HOMEZ: variants seen among roughly 807,000 people sequenced by gnomAD.
HOMEZ encodes homeobox and leucine zipper protein Homez.
In HOMEZ, 20 loss-of-function variants were observed where a neutral mutation model predicts 50.1. The ratio of observed to expected loss-of-function variants is 0.40; its 90% CI spans 0.28 to 0.58. The LOEUF is 0.58. HOMEZ is among the 20% of genes least tolerant of loss of function. The pLI is 0.46. For missense variants in HOMEZ, 579 were observed against 680.5 expected (o/e 0.85, Z 1.66); for synonymous variants, 239 against 254.7 (o/e 0.94, Z 0.59).
chr14:23,281,136 T>C (rs1886546796), intron 1 of HOMEZ, among the ~76,000 whole-genome samples: 1 of 152,138 alleles, frequency 6.6e-6, no homozygotes, highest in Admixed American at 6.6e-5. Flanking sequence ...ATGTAAATGC[T>C]ACACGATGAA....
At position 23,286,074 on chromosome 14, in the gene HOMEZ, T is replaced by A. The variant is rs570927271; in HGVS notation, c.-122A>T. The A allele has an allele frequency of 1.6e-6, 2 of 1,230,366 alleles. No individual in the cohort carries two copies. The highest frequency in any genetic ancestry group is 8.2e-5 in the South Asian group (2 of 24,282). The allele number at this position is 1,230,366 out of a possible 1,614,324, so 76.2% of individuals were successfully genotyped here. A position where few individuals can be genotyped will look rare whatever the true frequency, so the allele number is the denominator to read the frequency against. ...GAAACCGGGACTGCCCCCCCCACCG[T>A]CCCCGGGAGCGCGCCGGTCTACCCA... On this transcript the variant is annotated 5_prime_UTR_variant, in exon 1 of 2. Coordinates refer to ENST00000357460, the MANE Select transcript of HOMEZ (RefSeq NM_020834.3).
In HOMEZ at chr14:23,276,654, G is replaced by A. The variant is rs867868645; in HGVS notation, c.574C>T (p.Pro192Ser). 14 of 1,613,908 alleles carry A rather than the reference G, an allele frequency of 8.7e-6. No individual in the cohort carries two copies. In the Middle Eastern group the frequency reaches 1.5e-3, roughly 171 times the overall value. The change falls in exon 2 of 2, where the codon CCA becomes TCA. Residue 192 changes from proline (P) to serine (S), a missense_variant. Coordinates refer to ENST00000357460, the MANE Select transcript of HOMEZ (RefSeq NM_020834.3). This position sits in a 1 kb window ranked among gnomAD's most constrained non-coding sequence, Gnocchi z 4.1. ...KVEPEEPSQM[P>S]PLPQSHQKLK... ...TTCTGGTGACTCTGTGGCAGTGGTG[G>A]CATCTGAGAGGGCTCCTCAGGCTCT...
chr14:23,285,659 T>C, intron 1 of HOMEZ: 1 of 387,588 alleles, frequency 2.6e-6, no homozygotes, highest in Non-Finnish European at 4.6e-6. Flanking sequence ...ATAAGCCCCA[T>C]GAGGCAGGCG....
chr14:23,279,253 C>A (rs1415040845), intron 1 of HOMEZ, among the ~76,000 whole-genome samples: 1 of 149,982 alleles, frequency 6.7e-6, no homozygotes, highest in South Asian at 2.1e-4. Flanking sequence ...TTTTTTTTTT[C>A]TTCTCAGTAG....
chr14:23,275,497 A>G lies in HOMEZ; in HGVS notation c.*78T>C. On this transcript the variant is annotated 3_prime_UTR_variant, in exon 2 of 2. Coordinates refer to ENST00000357460, the MANE Select transcript of HOMEZ (RefSeq NM_020834.3). ...TTCTCTGCCACAAGGTAATTTTAAA[A>G]ATGTGGTTTCTTTGTTTAAACAGTT... The G allele has an allele frequency of 6.8e-7, 1 of 1,461,466 alleles. No homozygotes were observed. The highest frequency in any genetic ancestry group is 2.7e-5 in the Admixed American group (1 of 36,994). 90.5% of individuals were successfully genotyped at this position (1,461,466 alleles called of 1,614,324 possible).
chr14:23,278,917 C>A (rs1161770697), intron 1 of HOMEZ, among the ~76,000 whole-genome samples: 1 of 152,160 alleles, frequency 6.6e-6, no homozygotes, highest in African/African-American at 2.4e-5. Context: ...CTCAAGTGAT[C>A]CACCGGCCTC....
chr14:23,280,709 A>ATTTTATTTTATTTTTTTT (rs1594964856), intron 1 of HOMEZ, among the ~76,000 whole-genome samples: 1 of 49,800 alleles, frequency 2.0e-5, no homozygotes, highest in African/African-American at 5.6e-5. Context: ...TTATATTTTT[A>ATTTTATTTTATTTTTTTT]TTTTTATTTT....
chr14:23,277,829 G>A (rs1418094879), intron 1 of HOMEZ, among the ~76,000 whole-genome samples: 1 of 151,808 alleles, frequency 6.6e-6, no homozygotes, highest in Non-Finnish European at 1.5e-5. Flanking sequence ...GTGTGTCTGT[G>A]TGTGTGTGCG....
rs1886294185 is a variant in HOMEZ, at chr14:23,274,652, A to G, written c.*923T>C. ...GCCGGGCACGGTGGCTCATGCCTAT[A>G]ATCCCAGCACTTTGGGAGGCCAAGG... On this transcript the variant is annotated 3_prime_UTR_variant, in exon 2 of 2. Coordinates refer to ENST00000357460, the MANE Select transcript of HOMEZ (RefSeq NM_020834.3). 1 of 152,556 alleles carries G rather than the reference A, an allele frequency of 6.6e-6. No homozygotes were observed. The highest frequency in any genetic ancestry group is 1.5e-5 in the Non-Finnish European group (1 of 68,096). 9.5% of individuals were successfully genotyped at this position (152,556 alleles called of 1,614,324 possible).
rs1305845536 is a variant in HOMEZ, at chr14:23,274,886, A to G, written c.*689T>C. ...GCGCCATTGCACTACAGCCTGGGCG[A>G]CAGAGCAAGACTCCACCTCAAAAAA... On this transcript the variant is annotated 3_prime_UTR_variant, in exon 2 of 2. Coordinates refer to ENST00000357460, the MANE Select transcript of HOMEZ (RefSeq NM_020834.3). The G allele has an allele frequency of 1.3e-5, 2 of 151,956 alleles. No homozygotes were observed. Among genetic ancestry groups the G allele is most frequent in the Non-Finnish European group, 2.9e-5 (2 of 68,026 alleles). 9.4% of individuals were successfully genotyped at this position (151,956 alleles called of 1,614,324 possible).
intron 1 of HOMEZ, chr14:23,285,682 A>G (rs1886643550): frequency 5.1e-6 from 2 of 394,348 alleles, no homozygotes; most frequent in Non-Finnish European, 9.0e-6. Context: ...TCTCAATCCT[A>G]CTCTCGCCAA....
rs1419566731 is a variant in HOMEZ at position 23,275,657 on chromosome 14, A to G, written c.1571T>C (p.Leu524Pro). The change falls in exon 2 of 2, where the codon CTG becomes CCG. Residue 524 changes from leucine (L) to proline (P), a missense_variant. Leu to Pro is a moderately conservative substitution (Grantham distance 98). Coordinates refer to ENST00000357460, the MANE Select transcript of HOMEZ (RefSeq NM_020834.3). ...CTCCTCTTCCTCATCATCTTCTGGC[A>G]GTTCTTCCTCCTCCTCTTCCTCTTC... Reference protein sequence around the residue: ...DEEEEEEEEELPEDDEEEEEE... With the variant: ...DEEEEEEEEEPPEDDEEEEEE... The G allele has an allele frequency of 6.4e-7, 1 of 1,568,568 alleles. No homozygotes were observed. Among genetic ancestry groups the G allele is most frequent in the South Asian group, 1.2e-5 (1 of 85,780 alleles).
At position 23,273,705 on chromosome 14, in the gene HOMEZ, C is replaced by T. The variant is rs1414201587; in HGVS notation, c.*1870G>A. 6.6e-6 allele frequency: 1 copy of T among 152,062 alleles called. No homozygotes were observed. The highest frequency in any genetic ancestry group is 6.5e-5 in the Admixed American group (1 of 15,276). 9.4% of individuals were successfully genotyped at this position (152,062 alleles called of 1,614,324 possible). On this transcript the variant is annotated 3_prime_UTR_variant, in exon 2 of 2. Coordinates refer to ENST00000357460, the MANE Select transcript of HOMEZ (RefSeq NM_020834.3). ...TGATCTTGTATCTGAACTAGGATCC[C>T]CATACCCTTTCTGGTACTCTGAATT...
intron 1 of HOMEZ, among the ~76,000 whole-genome samples, chr14:23,284,782 A>G (rs571006887): frequency 1.3e-5 from 2 of 152,310 alleles, no homozygotes; most frequent in Admixed American, 1.3e-4. Flanking sequence ...CTTAATCTCA[A>G]AAGTACTCTG....
chr14:23,279,036 T>C (rs889981853), intron 1 of HOMEZ, among the ~76,000 whole-genome samples: 1 of 151,168 alleles, frequency 6.6e-6, no homozygotes, highest in African/African-American at 2.4e-5. Context: ...CAGGCTGGAG[T>C]GCAGTGGCGT....
In HOMEZ at chr14:23,273,638, A is replaced by C. The variant is rs988995626; in HGVS notation, c.*1937T>G. 3 of 152,278 alleles carry C rather than the reference A, an allele frequency of 2.0e-5. No individual in the cohort carries two copies. The East Asian group carries it at 5.8e-4, about 29-fold the overall frequency. 9.4% of individuals were successfully genotyped at this position (152,278 alleles called of 1,614,324 possible). A position where few individuals can be genotyped will look rare whatever the true frequency, so the allele number is the denominator to read the frequency against. ...TTAAGCAAAAATACTGGAAAAACAG[A>C]AAATAGCAGGCATCTGCCAGAAATA... On this transcript the variant is annotated 3_prime_UTR_variant, in exon 2 of 2. Transcript: ENST00000357460.
Position 23,272,426 on chromosome 14 carries a change from C to CA in HOMEZ, c.*3148dup, listed in dbSNP as rs1886174763. 1 of 253,878 alleles carries CA rather than the reference C, an allele frequency of 3.9e-6. No homozygotes were observed. The highest frequency in any genetic ancestry group is 7.7e-6 in the Non-Finnish European group (1 of 129,490). 15.7% of individuals were successfully genotyped at this position (253,878 alleles called of 1,614,324 possible). On this transcript the variant is annotated 3_prime_UTR_variant, in exon 2 of 2. Coordinates refer to ENST00000357460, the MANE Select transcript of HOMEZ (RefSeq NM_020834.3). ...AGAGCGAGACTCCATCTCAAAAAAA[C>CA]AACAAACAAACAAACAAACAAACAA...
intron 1 of HOMEZ, among the ~76,000 whole-genome samples, chr14:23,281,404 C>A (rs914266688): frequency 2.6e-5 from 4 of 152,050 alleles, no homozygotes; most frequent in Non-Finnish European, 5.9e-5. Flanking sequence ...GTTTGAATCC[C>A]GGTTCTGCCA....
rs773896530 is a variant in HOMEZ at position 23,275,677 on chromosome 14, CTCT to C, written c.1548_1550del (p.Glu523del). ...CTGGCAGTTCTTCCTCCTCCTCTTC[CTCT>C]TCTTCATCTAGACAAACTACCACCT... On this transcript the variant is annotated inframe_deletion, in exon 2 of 2. Transcript: ENST00000357460. 54 of 1,586,134 alleles carry C rather than the reference CTCT, an allele frequency of 3.4e-5. No individual in the cohort carries two copies. Among genetic ancestry groups the C allele is most frequent in the Non-Finnish European group, 4.1e-5 (48 of 1,165,650 alleles).
Sources: gnomAD v4.1 joint callset for allele counts (sites outside exome capture counted in the v4.1 genomes callset) on GRCh38, gnomAD v4.1.1 for gene constraint, Gnocchi (gnomAD v3.1) non-coding constraint, MANE v1.5 for transcripts, NCBI Gene and HGNC (gene_info 2026-07-23, HGNC 2026-07-21) for gene names.